The following EPS15L1 variants were observed in gnomAD, a reference collection of about 807,000 sequenced individuals.
EPS15L1 encodes epidermal growth factor receptor substrate 15-like 1.
In EPS15L1, 43 loss-of-function variants were observed where a neutral mutation model predicts 117.1. That is an observed-to-expected ratio of 0.37 (90% confidence interval 0.29 to 0.47). The LOEUF (loss-of-function observed/expected upper bound fraction) is 0.47. Among genes scored for constraint, EPS15L1 ranks in the 20% least tolerant of loss-of-function variants. The pLI is 0.99. For missense variants in EPS15L1, 981 were observed against 1,164.0 expected, an observed-to-expected ratio of 0.84 and a Z score of 2.29; for synonymous variants, 459 against 470.5, an observed-to-expected ratio of 0.98 and a Z score of 0.32.
intron 21 of EPS15L1, among the ~76,000 whole-genome samples, chr19:16,382,573 A>C (rs2092374770): frequency 6.6e-6 from 1 of 151,964 alleles, no homozygotes; most frequent in African/African-American, 2.4e-5. Flanking sequence ...TAAACAATTG[A>C]GAAGTTGCTA....
At position 16,386,182 on chromosome 19, in the gene EPS15L1, G is replaced by C; in HGVS notation, c.2153C>G (p.Ser718Ter). 1 of 1,611,874 alleles carries C rather than the reference G, an allele frequency of 6.2e-7. No homozygotes were observed. The highest frequency in any genetic ancestry group is 8.5e-7 in the Non-Finnish European group (1 of 1,178,238). Residue 718 changes from serine (S) to a stop codon, truncating the protein, a stop_gained, in exon 20 of 24, where the codon TCA (serine) becomes TGA (stop). Transcript: ENST00000455140. LOFTEE classifies it high-confidence loss of function. ...GTCATGGGTCTCACCTGATCCTTTT[G>C]AGGAGACACTGGAGGATGAAAAGGG... The part of the protein sequence containing the change: ...SDPFSSSSVS[S>*]KGSDPFGTLD...
chr19:16,455,991 A>C (rs915430329), intron 1 of EPS15L1, among the ~76,000 whole-genome samples: 25 of 152,352 alleles, frequency 1.6e-4, no homozygotes, highest in African/African-American at 6.0e-4. Flanking sequence ...ACCTGAGGTC[A>C]GGAGTTCGAG....
At chr19:16,441,045 A>G in intron 3 of EPS15L1, 136 bp from the exon 4 acceptor site, 1 of 839,746 alleles carries the variant, frequency 1.2e-6, no homozygotes, top group Non-Finnish European at 2.0e-6. Context: ...CTGCAGATGA[A>G]GAAGCCAATT....
chr19:16,441,816 C>G, intron 3 of EPS15L1, 76 bp downstream of exon 3: 2 of 1,193,504 alleles, frequency 1.7e-6, no homozygotes, highest in Non-Finnish European at 1.2e-6. Context: ...AGGAGGCCTG[C>G]ACAGGCTGGC....
chr19:16,363,391 C>A (rs1407884644), intron 22 of EPS15L1, among the ~76,000 whole-genome samples: 1 of 152,180 alleles, frequency 6.6e-6, no homozygotes, highest in African/African-American at 2.4e-5. Flanking sequence ...CACACCTGCC[C>A]CGCCCACCAC....
At chr19:16,366,459 A>G (rs1021064541) in intron 22 of EPS15L1, among the ~76,000 whole-genome samples, 1 of 152,188 alleles carries the variant, frequency 6.6e-6, no homozygotes, top group Non-Finnish European at 1.5e-5. Flanking sequence ...CTACCATTTC[A>G]AGCTGAGGTT....
chr19:16,361,618 C>A, intron 23 of EPS15L1, 161 bp downstream of exon 23: 1 of 1,314,402 alleles, frequency 7.6e-7, no homozygotes, highest in Non-Finnish European at 9.7e-7. Context: ...GTTTTTCTTA[C>A]AGAAGTGGCA....
intron 21 of EPS15L1, among the ~76,000 whole-genome samples, chr19:16,379,938 A>G (rs1322427320): frequency 5.6e-5 from 8 of 142,496 alleles, no homozygotes; most frequent in Non-Finnish European, 1.2e-4. Context: ...GCCATCTAAG[A>G]CTCCAGTGTC....
chr19:16,445,854 TGGAA>T (rs2093078051), intron 1 of EPS15L1, among the ~76,000 whole-genome samples: 1 of 152,154 alleles, frequency 6.6e-6, no homozygotes, highest in African/African-American at 2.4e-5. Flanking sequence ...GCCGTAGGAA[TGGAA>T]GGAAGTGCAG....
chr19:16,450,458 C>G (rs2093129204), intron 1 of EPS15L1, among the ~76,000 whole-genome samples: 1 of 151,596 alleles, frequency 6.6e-6, no homozygotes. Flanking sequence ...AGGCCGTGAG[C>G]CCCAGGCATG....
chr19:16,455,772 G>A (rs947002649), intron 1 of EPS15L1, among the ~76,000 whole-genome samples: 6 of 152,150 alleles, frequency 3.9e-5, no homozygotes, highest in African/African-American at 7.2e-5. Flanking sequence ...GTCAATCACC[G>A]GCTGTTGTGA....
chr19:16,372,385 A>T (rs2092237252), intron 22 of EPS15L1, among the ~76,000 whole-genome samples: 1 of 152,212 alleles, frequency 6.6e-6, no homozygotes, highest in Non-Finnish European at 1.5e-5. Flanking sequence ...CTCCCACGGA[A>T]TTTGAAAACT....
intron 1 of EPS15L1, 69 bp from the exon 2 acceptor site, chr19:16,442,288 C>T (rs2093039938): frequency 7.2e-7 from 1 of 1,397,018 alleles, no homozygotes; most frequent in Admixed American, 1.8e-5. Flanking sequence ...GGGTTGCCCC[C>T]TCAATTTTGT....
rs1165860284 is a variant in EPS15L1 at position 16,392,346 on chromosome 19, A to C, written c.2061T>G (p.Phe687Leu). The change falls in exon 19 of 24, where the codon TTT becomes TTG. Residue 687 changes from phenylalanine to leucine, a missense_variant. Transcript: ENST00000455140. ...GGTTTTTCGTGAATGGATCCGAGGT[A>C]AATGGGTCATTCTTTGTCTGTTTCT... The part of the protein sequence containing the change: ...FFKKQTKNDP[F>L]TSDPFTKNPS... 6.2e-7 allele frequency: 1 copy of C among 1,614,226 alleles called. No individual in the cohort carries two copies. The highest frequency in any genetic ancestry group is 8.5e-7 in the Non-Finnish European group (1 of 1,180,022).
chr19:16,426,842 A>C (rs2092877866), intron 8 of EPS15L1, among the ~76,000 whole-genome samples: 1 of 152,230 alleles, frequency 6.6e-6, no homozygotes, highest in South Asian at 2.1e-4. Flanking sequence ...AGATAATAAT[A>C]GACACGCTCA....
At chr19:16,411,620 G>A (rs1195020030) in intron 13 of EPS15L1, among the ~76,000 whole-genome samples, 1 of 152,178 alleles carries the variant, frequency 6.6e-6, no homozygotes, top group Non-Finnish European at 1.5e-5. Context: ...AAAATTTGCA[G>A]ATGCTCAAGT....
intron 9 of EPS15L1, among the ~76,000 whole-genome samples, chr19:16,423,923 A>C (rs1399876432): frequency 6.6e-6 from 1 of 152,194 alleles, no homozygotes; most frequent in Non-Finnish European, 1.5e-5. Context: ...CAAGAGTCCT[A>C]ATAATACTTG....
At chr19:16,402,053 C>T in intron 16 of EPS15L1, 7 of 1,210,516 alleles carry the variant, frequency 5.8e-6, no homozygotes, top group Non-Finnish European at 7.2e-6. Flanking sequence ...GTAAATACTT[C>T]CGCAGAGATG....
chr19:16,465,675 C>T (rs1050774831), intron 1 of EPS15L1, among the ~76,000 whole-genome samples: 4 of 152,104 alleles, frequency 2.6e-5, no homozygotes, highest in African/African-American at 9.7e-5. Flanking sequence ...GAGCAAGAGC[C>T]TGTCTCTAAA....
Sources: gnomAD v4.1 joint callset for allele counts (sites outside exome capture counted in the v4.1 genomes callset) on GRCh38, gnomAD v4.1.1 for gene constraint, MANE v1.5 for transcripts, NCBI Gene and HGNC (gene_info 2026-07-23, HGNC 2026-07-21) for gene names.